PIK3C2G: variants seen among roughly 807,000 people sequenced by gnomAD.
The protein encoded by PIK3C2G is phosphatidylinositol 3-kinase C2 domain-containing subunit gamma.
A neutral mutation model predicts 181.1 loss-of-function variants in PIK3C2G; 168 were observed. The ratio of observed to expected loss-of-function variants is 0.93; its 90% CI spans 0.82 to 1.05. The LOEUF (loss-of-function observed/expected upper bound fraction) is 1.05, where lower values mean the gene tolerates loss of function less well. Among genes scored for constraint, PIK3C2G ranks in the 50% least tolerant of loss-of-function variants. The pLI, the probability that PIK3C2G is intolerant of heterozygous loss-of-function variation, is 0.00. For synonymous variants in PIK3C2G, 573 were observed against 592.2 expected (o/e 0.97, Z 0.47); for missense variants, 1,869 against 1,732.8 (o/e 1.08, Z -1.40).
chr12:18,307,715 CACTT>C (rs1483575693), intron 5 of PIK3C2G, among the ~76,000 whole-genome samples: 2 of 151,866 alleles, frequency 1.3e-5, no homozygotes, highest in African/African-American at 2.4e-5. Context: ...TTTTTTACTG[CACTT>C]ACTTATTAAA....
At chr12:18,245,285 A>G (rs373029696), upstream of PIK3C2G, among the ~76,000 whole-genome samples, 30 of 152,214 alleles carry the variant, frequency 2.0e-4, no homozygotes, top group East Asian at 5.8e-3. Context: ...GTGAATTCCA[A>G]TTTTAACTCA....
At chr12:18,562,401 G>A (rs898955186) in intron 26 of PIK3C2G, among the ~76,000 whole-genome samples, 1 of 152,078 alleles carries the variant, frequency 6.6e-6, no homozygotes, top group Non-Finnish European at 1.5e-5. Flanking sequence ...CAAAGTGCTG[G>A]GATTACAGGC....
At chr12:18,283,720 G>T (rs1949320621) in intron 2 of PIK3C2G, among the ~76,000 whole-genome samples, 1 of 152,100 alleles carries the variant, frequency 6.6e-6, no homozygotes, top group Non-Finnish European at 1.5e-5. Flanking sequence ...GCACCTCAAA[G>T]GATCTAAATT....
intron 16 of PIK3C2G, among the ~76,000 whole-genome samples, chr12:18,403,577 A>T (rs1351426240): frequency 6.6e-6 from 1 of 152,090 alleles, no homozygotes; most frequent in Non-Finnish European, 1.5e-5. Flanking sequence ...AAATGGTTTA[A>T]CCTCTTGACA....
chr12:18,265,467 C>T (rs1948444132), intron 1 of PIK3C2G, among the ~76,000 whole-genome samples: 1 of 152,130 alleles, frequency 6.6e-6, no homozygotes, highest in African/African-American at 2.4e-5. Context: ...ATTCCAGAAG[C>T]CTCCATTAAT....
intron 20 of PIK3C2G, among the ~76,000 whole-genome samples, chr12:18,495,496 G>C (rs934769956): frequency 1.3e-5 from 2 of 152,090 alleles, no homozygotes; most frequent in African/African-American, 4.8e-5. Flanking sequence ...TACCTGATTA[G>C]TGTCAGGCAT....
chr12:18,448,326 T>A (rs1947146927), intron 18 of PIK3C2G, among the ~76,000 whole-genome samples: 1 of 152,202 alleles, frequency 6.6e-6, no homozygotes, highest in African/African-American at 2.4e-5. Context: ...GATGTTTTGA[T>A]GTACATAGTG....
chr12:18,660,711 A>G, the PIK3C2G span, among the ~76,000 whole-genome samples: 5 of 152,168 alleles, frequency 3.3e-5, no homozygotes, highest in Non-Finnish European at 5.9e-5. Flanking sequence ...TCTGATTTCC[A>G]GAGACATGAT....
At chr12:18,612,979 G>C (rs1392774854) in intron 31 of PIK3C2G, among the ~76,000 whole-genome samples, 4 of 152,100 alleles carry the variant, frequency 2.6e-5, no homozygotes, top group Non-Finnish European at 4.4e-5. Context: ...TGATGAAGTA[G>C]TGCAAGTATT....
At chr12:18,414,327 A>G (rs1394047743) in intron 16 of PIK3C2G, among the ~76,000 whole-genome samples, 1 of 152,148 alleles carries the variant, frequency 6.6e-6, no homozygotes, top group Admixed American at 6.6e-5. Context: ...AGAAAATTTG[A>G]AAAACTTTTT....
intron 5 of PIK3C2G, among the ~76,000 whole-genome samples, chr12:18,308,921 T>C (rs902311520): frequency 2.6e-5 from 4 of 151,734 alleles, no homozygotes; most frequent in African/African-American, 9.7e-5. Flanking sequence ...ATGTCTGGTT[T>C]AATTAAGACC....
At chr12:18,619,794 G>C (rs1207805971) in intron 31 of PIK3C2G, among the ~76,000 whole-genome samples, 1 of 148,744 alleles carries the variant, frequency 6.7e-6, no homozygotes, top group Non-Finnish European at 1.5e-5. Flanking sequence ...GCGCGATCTC[G>C]GCTCACTGCA....
At chr12:18,712,077 T>G in the PIK3C2G span, among the ~76,000 whole-genome samples, 1 of 152,182 alleles carries the variant, frequency 6.6e-6, no homozygotes. Context: ...ATTTAATGTA[T>G]TAGGTACACA....
intron 5 of PIK3C2G, among the ~76,000 whole-genome samples, chr12:18,305,652 A>G (rs1383625344): frequency 6.6e-6 from 1 of 152,090 alleles, no homozygotes; most frequent in Middle Eastern, 3.2e-3. Context: ...TGAATTACAT[A>G]TTTCTTCAAA....
At chr12:18,393,744 A>G (rs1231487973) in intron 15 of PIK3C2G, among the ~76,000 whole-genome samples, 1 of 152,142 alleles carries the variant, frequency 6.6e-6, no homozygotes, top group African/African-American at 2.4e-5. Context: ...AACAGACAGG[A>G]CTTGAGGTAA....
chr12:18,514,504 AT>A (rs1204323035), intron 24 of PIK3C2G, among the ~76,000 whole-genome samples: 1 of 151,776 alleles, frequency 6.6e-6, no homozygotes, highest in Non-Finnish European at 1.5e-5. Context: ...TTTTGTGACC[AT>A]TGTAAAAGGA....
At chr12:18,256,445 A>G (rs920328164) in intron 1 of PIK3C2G, among the ~76,000 whole-genome samples, 2 of 152,038 alleles carry the variant, frequency 1.3e-5, no homozygotes, top group Non-Finnish European at 2.9e-5. Flanking sequence ...CTTTGAAGCT[A>G]CCTGAAAATA....
At chr12:18,296,483 A>G (rs2137247387) in intron 5 of PIK3C2G, among the ~76,000 whole-genome samples, 1 of 152,174 alleles carries the variant, frequency 6.6e-6, no homozygotes, top group South Asian at 2.1e-4. Context: ...GACTCTCCAA[A>G]AATTATCCTC....
chr12:18,717,978 G>C, the PIK3C2G span, among the ~76,000 whole-genome samples: 6 of 152,234 alleles, frequency 3.9e-5, no homozygotes, highest in Admixed American at 6.5e-5. Flanking sequence ...GTGAGCTACA[G>C]ATCCCACTCA....
Sources: gnomAD v4.1 joint callset for allele counts (sites outside exome capture counted in the v4.1 genomes callset) on GRCh38, gnomAD v4.1.1 for gene constraint, MANE v1.5 for transcripts, NCBI Gene and HGNC (gene_info 2026-07-23, HGNC 2026-07-21) for gene names.